TCF7L1: variants seen among roughly 807,000 people sequenced by gnomAD.
TCF7L1 encodes transcription factor 7-like 1.
TCF7L1 carries 18 observed loss-of-function variants against 63.7 expected under a neutral mutation model. The observed-to-expected ratio is 0.28, with a 90% CI of 0.20 to 0.42. TCF7L1 has a LOEUF of 0.42. Among genes scored for constraint, TCF7L1 ranks in the 10% least tolerant of loss-of-function variants. The pLI, the probability that TCF7L1 is intolerant of heterozygous loss-of-function variation, is 1.00. For missense variants in TCF7L1, 654 were observed against 779.3 expected (o/e 0.84, Z 1.91); for synonymous variants, 355 against 340.9 (o/e 1.04, Z -0.46).
In TCF7L1 at chr2:85,283,583, G is replaced by C; in HGVS notation, c.525+5G>C. 6.2e-7 allele frequency: 1 copy of C among 1,614,182 alleles called. No homozygotes were observed. Among genetic ancestry groups the C allele is most frequent in the Non-Finnish European group, 8.5e-7 (1 of 1,180,020 alleles). Reference sequence around the variant, plus strand: ...TCACCATCTCCAGCACACTTGGTAAGTCTGTTTCACCTTAAAGCACCAAAG... The same window carrying C: ...TCACCATCTCCAGCACACTTGGTAACTCTGTTTCACCTTAAAGCACCAAAG... On this transcript the variant is annotated splice_donor_5th_base_variant and intron_variant, in intron 4 of 11. Transcript: ENST00000282111.
At chr2:85,253,412 C>T (rs1277703207) in intron 3 of TCF7L1, among the ~76,000 whole-genome samples, 2 of 152,178 alleles carry the variant, frequency 1.3e-5, no homozygotes, top group Non-Finnish European at 2.9e-5. Flanking sequence ...CATTTGGTTA[C>T]GACCTCCATG....
intron 4 of TCF7L1, among the ~76,000 whole-genome samples, chr2:85,297,153 A>G (rs1681851244): frequency 6.6e-6 from 1 of 152,206 alleles, no homozygotes; most frequent in South Asian, 2.1e-4. Context: ...GGAAAAGAAG[A>G]GTTTGGGTAA....
chr2:85,202,662 C>A (rs1279022428), intron 3 of TCF7L1, among the ~76,000 whole-genome samples: 1 of 152,094 alleles, frequency 6.6e-6, no homozygotes. Flanking sequence ...GGTAGGAGTA[C>A]AGCTTCATTC....
At chr2:85,200,104 A>G (rs1679240454) in intron 3 of TCF7L1, among the ~76,000 whole-genome samples, 1 of 152,166 alleles carries the variant, frequency 6.6e-6, no homozygotes, top group Non-Finnish European at 1.5e-5. Flanking sequence ...ATTTTTGGAT[A>G]ATATCCCATC....
chr2:85,147,468 G>A (rs932901399), intron 3 of TCF7L1, among the ~76,000 whole-genome samples: 19 of 152,090 alleles, frequency 1.2e-4, no homozygotes, highest in African/African-American at 3.9e-4. Flanking sequence ...GCAGTGGTAG[G>A]GCGCTAGGTG....
intron 3 of TCF7L1, among the ~76,000 whole-genome samples, chr2:85,168,343 G>GT: frequency 6.6e-6 from 1 of 152,080 alleles, no homozygotes; most frequent in Non-Finnish European, 1.5e-5. Context: ...AATATGTGCA[G>GT]TTTTTTGGTA....
rs1677515819 is a variant in TCF7L1, at chr2:85,133,732, G to C, written c.48G>C (p.Gly16=). The C allele has an allele frequency of 1.1e-5, 13 of 1,208,088 alleles. No individual in the cohort carries two copies. Among genetic ancestry groups the C allele is most frequent in the Non-Finnish European group, 1.3e-5 (13 of 973,234 alleles). 74.8% of individuals were successfully genotyped at this position (1,208,088 alleles called of 1,614,324 possible). The stretch of plus-strand genomic sequence containing the variant: ...GCGGCGGCGGCGGCGGCGGCAGCGG[G>C]GGAGGCGGCGGCTCCAGCGCCGGGG... ...GGGGGGGGGS[G]GGGGSSAGAA... is the part of the protein sequence containing the mutation. The change falls in exon 1 of 12, where the codon GGG becomes GGC. Residue 16 remains glycine, a synonymous_variant. Transcript: ENST00000282111. This position sits in a 1 kb window ranked among gnomAD's most constrained non-coding sequence, Gnocchi z 4.4.
chr2:85,151,595 T>C (rs913102085), intron 3 of TCF7L1, among the ~76,000 whole-genome samples: 2 of 152,196 alleles, frequency 1.3e-5, no homozygotes, highest in South Asian at 2.1e-4. Flanking sequence ...CTATCAGTTA[T>C]AATATTTTTA....
intron 3 of TCF7L1, among the ~76,000 whole-genome samples, chr2:85,181,979 T>C (rs1678813077): frequency 6.6e-6 from 1 of 152,082 alleles, no homozygotes; most frequent in Non-Finnish European, 1.5e-5. Context: ...TGAAACCTTA[T>C]GGGGCGGGCC....
intron 4 of TCF7L1, among the ~76,000 whole-genome samples, chr2:85,288,686 G>A (rs1193425617): frequency 6.6e-6 from 1 of 152,208 alleles, no homozygotes; most frequent in Non-Finnish European, 1.5e-5. Context: ...GCGGGATGAA[G>A]TTAAGTGCTT....
At chr2:85,262,404 A>T in intron 3 of TCF7L1, 1 of 386,176 alleles carries the variant, frequency 2.6e-6, no homozygotes, top group Non-Finnish European at 5.2e-6. Flanking sequence ...AAAAAAAAAA[A>T]ACTAAAAAGA....
At chr2:85,296,845 T>C (rs1044834972) in intron 4 of TCF7L1, among the ~76,000 whole-genome samples, 3 of 152,264 alleles carry the variant, frequency 2.0e-5, no homozygotes, top group African/African-American at 7.2e-5. Context: ...ATTCTACAAA[T>C]AGTGTTTCTA....
intron 3 of TCF7L1, among the ~76,000 whole-genome samples, chr2:85,266,014 A>G (rs781477997): frequency 3.9e-5 from 6 of 152,220 alleles, no homozygotes; most frequent in African/African-American, 9.6e-5. Context: ...GTAGGATTCA[A>G]TACATGTTTT....
chr2:85,251,027 C>T (rs1000517433), intron 3 of TCF7L1, among the ~76,000 whole-genome samples: 1 of 152,182 alleles, frequency 6.6e-6, no homozygotes, highest in Non-Finnish European at 1.5e-5. Flanking sequence ...AGTTAGAGGC[C>T]TGAGAACATG....
intron 3 of TCF7L1, among the ~76,000 whole-genome samples, chr2:85,180,125 GAGA>G (rs1678768922): frequency 6.6e-6 from 1 of 151,976 alleles, no homozygotes; most frequent in African/African-American, 2.4e-5. Context: ...GGAGAGGGCC[GAGA>G]AGATCTCCTT....
chr2:85,179,332 T>G, intron 3 of TCF7L1, among the ~76,000 whole-genome samples: 1 of 152,168 alleles, frequency 6.6e-6, no homozygotes, highest in East Asian at 1.9e-4. Flanking sequence ...CATCCGGATC[T>G]CCTGGAGAGC....
chr2:85,225,228 G>A (rs1679930837), intron 3 of TCF7L1, among the ~76,000 whole-genome samples: 1 of 152,258 alleles, frequency 6.6e-6, no homozygotes, highest in East Asian at 1.9e-4. Context: ...CTCCAGCTTT[G>A]TTCTTTTTGC....
At chr2:85,184,222 C>A (rs552248067) in intron 3 of TCF7L1, among the ~76,000 whole-genome samples, 6 of 152,082 alleles carry the variant, frequency 3.9e-5, no homozygotes, top group Admixed American at 1.3e-4. Context: ...ATGGAGCGAG[C>A]CTTTAGCCAA....
chr2:85,141,316 A>G (rs959064743), intron 3 of TCF7L1, among the ~76,000 whole-genome samples: 2 of 152,190 alleles, frequency 1.3e-5, no homozygotes, highest in African/African-American at 4.8e-5. Flanking sequence ...CATGGAGGGA[A>G]GTGTTCCAGG....
Sources: allele counts gnomAD v4.1 joint callset (sites outside exome capture counted in the v4.1 genomes callset), GRCh38; gene constraint gnomAD v4.1.1; non-coding constraint Gnocchi (gnomAD v3.1); transcripts MANE v1.5; gene names NCBI Gene and HGNC (gene_info 2026-07-23, HGNC 2026-07-21).